ESRRG: variants seen among roughly 807,000 people sequenced by gnomAD.
ESRRG encodes estrogen related receptor gamma.
Under a neutral mutation model 44.0 loss-of-function variants are expected in ESRRG, and 13 were observed. That is an observed-to-expected ratio of 0.30 (90% confidence interval 0.19 to 0.47). The LOEUF is 0.47. Among genes scored for constraint, ESRRG ranks in the 20% least tolerant of loss-of-function variants. The probability of loss-of-function intolerance (pLI) is 1.00; values close to 1 mark genes in which losing one functional copy is unlikely to be tolerated. For synonymous variants in ESRRG, 215 were observed against 214.6 expected (o/e 1.00, Z -0.02); for missense variants, 395 against 580.6 (o/e 0.68, Z 3.29).
chr1:217,012,109 A>G (rs2078706887), intron 1 of ESRRG, among the ~76,000 whole-genome samples: 1 of 152,178 alleles, frequency 6.6e-6, no homozygotes, highest in Admixed American at 6.5e-5. Flanking sequence ...GAGGGGACCC[A>G]TGAAAGTGAG....
At chr1:216,993,288 G>A (rs887718626) in intron 1 of ESRRG, among the ~76,000 whole-genome samples, 2 of 152,128 alleles carry the variant, frequency 1.3e-5, no homozygotes, top group African/African-American at 4.8e-5. Flanking sequence ...AAAAAGGTGA[G>A]AGAAAGCCCT....
intron 2 of ESRRG, among the ~76,000 whole-genome samples, chr1:216,814,860 TA>T (rs1285503150): frequency 6.6e-6 from 1 of 152,240 alleles, no homozygotes; most frequent in African/African-American, 2.4e-5. Flanking sequence ...CTTATATTTT[TA>T]AAATTTGATA....
intron 2 of ESRRG, among the ~76,000 whole-genome samples, chr1:216,737,348 G>A (rs2152193264): frequency 6.6e-6 from 1 of 152,234 alleles, no homozygotes; most frequent in East Asian, 1.9e-4. Context: ...TTAAAGTCTT[G>A]TATGTCTCAG....
intron 2 of ESRRG, among the ~76,000 whole-genome samples, chr1:216,844,629 T>C (rs866037011): frequency 1.2e-4 from 19 of 152,270 alleles, no homozygotes; most frequent in African/African-American, 4.6e-4. Flanking sequence ...CCCTCACTCC[T>C]TTCAGATTTC....
At chr1:216,687,738 G>A (rs963531513) in intron 1 of ESRRG, among the ~76,000 whole-genome samples, 4 of 152,174 alleles carry the variant, frequency 2.6e-5, no homozygotes, top group African/African-American at 7.2e-5. Context: ...CATTGTGGCC[G>A]TGTCTTTTTA....
Position 216,692,667 on chromosome 1 carries a change from T to C in ESRRG, c.57-15176A>G, listed in dbSNP as rs942811505. 3.3e-5 allele frequency among the ~76,000 whole-genome samples: 5 copies of C among 152,296 alleles called. No individual in the cohort carries two copies. The South Asian group carries it at 1.0e-3, about 32-fold the overall frequency. On this transcript the variant is annotated intron_variant, in intron 1 of 6. Coordinates refer to ENST00000408911, the MANE Select transcript of ESRRG (RefSeq NM_001438.4). ...CTAGGCCTTCACATTCACTCACCATTTACTCACTGACTCACCCAGGGCAAT... is the reference window on the plus strand; with the variant it reads ...CTAGGCCTTCACATTCACTCACCATCTACTCACTGACTCACCCAGGGCAAT...
At position 216,879,401 on chromosome 1, in the gene ESRRG, A is replaced by C. The variant is rs1237981880; in HGVS notation, c.-14+60181T>G. On this transcript the variant is annotated intron_variant, in intron 2 of 7. Transcript: ENST00000359162. ...ATTATCCCCAGAAGATGGTTCATGGAAATTCTCATCCCCTGCTAGGCTGTC... is the reference window on the plus strand; with the variant it reads ...ATTATCCCCAGAAGATGGTTCATGGCAATTCTCATCCCCTGCTAGGCTGTC... Among the ~76,000 whole-genome samples the C allele has an allele frequency of 2.6e-5, 4 of 151,640 alleles. No individual in the cohort carries two copies. In the East Asian group the frequency reaches 7.8e-4, roughly 30 times the overall value.
intron 2 of ESRRG, 68 bp downstream of exon 2, chr1:216,677,008 T>A: frequency 8.5e-7 from 1 of 1,183,002 alleles, no homozygotes; most frequent in South Asian, 1.4e-5. Context: ...AGAATAAGAA[T>A]AAGGAAAAAC....
At chr1:216,766,187 T>A (rs1283665820) in intron 2 of ESRRG, among the ~76,000 whole-genome samples, 1 of 152,092 alleles carries the variant, frequency 6.6e-6, no homozygotes, top group Non-Finnish European at 1.5e-5. Context: ...TAGTATTATG[T>A]CTCTCTCTTT....
chr1:217,032,446 G>A lies in ESRRG; in HGVS notation c.-106+57061C>T, dbSNP rs576317378. On this transcript the variant is annotated intron_variant, in intron 1 of 7. Transcript: ENST00000359162. ...AATTGAGGATTCACAATTCAAGATTGATGGTCAATACAGGATGACTAGACA... is the reference window on the plus strand; with the variant it reads ...AATTGAGGATTCACAATTCAAGATTAATGGTCAATACAGGATGACTAGACA... Among the ~76,000 whole-genome samples, 9 of 152,284 alleles carry A rather than the reference G, an allele frequency of 5.9e-5. No individual in the cohort carries two copies. In the East Asian group the frequency reaches 1.5e-3, roughly 26 times the overall value.
chr1:217,137,068 G>C (rs772048466), intron 1 of ESRRG, among the ~76,000 whole-genome samples: 104 of 152,270 alleles, frequency 6.8e-4, no homozygotes, highest in Admixed American at 2.2e-3. Context: ...TAGTAGCTGG[G>C]GGGGAGGGAG....
chr1:216,883,436 G>A (rs2096477640), intron 2 of ESRRG, among the ~76,000 whole-genome samples: 2 of 146,726 alleles, frequency 1.4e-5, no homozygotes, highest in Non-Finnish European at 3.0e-5. Context: ...CAGTGTGATT[G>A]CCATGAACAC....
chr1:216,723,228 G>T lies in ESRRG; in HGVS notation c.56+16C>A. On this transcript the variant is annotated intron_variant, in intron 1 of 6. Transcript: ENST00000408911. The stretch of plus-strand genomic sequence containing the variant: ...CCCCACGACGAGTTTAAAAAGGAAA[G>T]AAAAAAGGTACCTACTCTTCCTCGT... 1.9e-6 allele frequency: 3 copies of T among 1,573,530 alleles called. No individual in the cohort carries two copies. The highest frequency in any genetic ancestry group is 1.7e-6 in the Non-Finnish European group (2 of 1,145,408).
rs531746040 is a variant in ESRRG at position 217,111,017 on chromosome 1, C to A, written c.-230+26650G>T. Reference sequence around the variant, plus strand: ...CCAAAGTTTTATCATGAATGCAACTCAGTGTTAGTGAGTGTTCCAGAAGAG... The same window carrying A: ...CCAAAGTTTTATCATGAATGCAACTAAGTGTTAGTGAGTGTTCCAGAAGAG... On this transcript the variant is annotated intron_variant, in intron 1 of 8. Coordinates refer to the ESRRG transcript ENST00000366940. Among the ~76,000 whole-genome samples the A allele has an allele frequency of 8.5e-5, 13 of 152,276 alleles. No individual in the cohort carries two copies. The East Asian group carries it at 2.5e-3, about 29-fold the overall frequency.
chr1:216,602,489 G>A (rs2059382324), intron 3 of ESRRG, among the ~76,000 whole-genome samples: 1 of 152,152 alleles, frequency 6.6e-6, no homozygotes, highest in Non-Finnish European at 1.5e-5. Flanking sequence ...ACTGTAACAG[G>A]TGCTAATAGA....
At chr1:216,822,260 G>A (rs919680284) in intron 2 of ESRRG, among the ~76,000 whole-genome samples, 19 of 152,096 alleles carry the variant, frequency 1.2e-4, no homozygotes, top group East Asian at 1.2e-3. Flanking sequence ...TGCAAAATGC[G>A]ATTTCATTAA....
intron 2 of ESRRG, among the ~76,000 whole-genome samples, chr1:216,909,068 T>C (rs1027182329): frequency 2.0e-5 from 3 of 151,854 alleles, no homozygotes; most frequent in Non-Finnish European, 4.4e-5. Flanking sequence ...TTCGAGTACA[T>C]GGGTAGAAAT....
intron 5 of ESRRG, among the ~76,000 whole-genome samples, chr1:216,531,916 C>T (rs946560401): frequency 2.0e-5 from 3 of 152,066 alleles, no homozygotes; most frequent in African/African-American, 7.2e-5. Context: ...CATTTCCTTT[C>T]ATGTCACTGA....
At chr1:216,737,279 C>T (rs1161636934) in intron 2 of ESRRG, among the ~76,000 whole-genome samples, 2 of 152,132 alleles carry the variant, frequency 1.3e-5, no homozygotes, top group Admixed American at 1.3e-4. Flanking sequence ...CAGTGGTTCA[C>T]CCTTGTTTTG....
Sources: gnomAD v4.1 joint callset for allele counts (sites outside exome capture counted in the v4.1 genomes callset) on GRCh38, gnomAD v4.1.1 for gene constraint, MANE v1.5 for transcripts, NCBI Gene and HGNC (gene_info 2026-07-23, HGNC 2026-07-21) for gene names.